Variants in EMILIN2 observed in about 807,000 individuals in gnomAD.
The protein encoded by EMILIN2 is EMILIN-2.
A neutral mutation model predicts 87.1 loss-of-function variants in EMILIN2; 71 were observed. The ratio of observed to expected loss-of-function variants is 0.82; its 90% CI spans 0.67 to 0.99. The LOEUF (loss-of-function observed/expected upper bound fraction) is 0.99, where lower values mean the gene tolerates loss of function less well. Ranked by LOEUF, EMILIN2 falls within the 50% of genes least tolerant of loss-of-function variation. The pLI, the probability that EMILIN2 is intolerant of heterozygous loss-of-function variation, is 0.00. For synonymous variants in EMILIN2, 581 were observed against 563.4 expected (o/e 1.03, Z -0.44); for missense variants, 1,407 against 1,371.8 (o/e 1.03, Z -0.40).
chr18:2,887,357 G>C (rs1382400485), intron 3 of EMILIN2, among the ~76,000 whole-genome samples: 1 of 152,142 alleles, frequency 6.6e-6, no homozygotes, highest in Non-Finnish European at 1.5e-5. Flanking sequence ...TTGAATGTTT[G>C]TCCCCTCCAA....
intron 4 of EMILIN2, among the ~76,000 whole-genome samples, chr18:2,897,114 G>C (rs2076867348): frequency 6.6e-6 from 1 of 152,234 alleles, no homozygotes; most frequent in Non-Finnish European, 1.5e-5. Flanking sequence ...AAGGTCATCA[G>C]CAATGAGGTC....
Position 2,869,694 on chromosome 18 carries a change from A to G in EMILIN2, c.258-15270A>G, listed in dbSNP as rs368777808. Among the ~76,000 whole-genome samples the G allele has an allele frequency of 8.6e-5, 13 of 150,864 alleles. 1 individual carries two copies. Among genetic ancestry groups the G allele is most frequent in the Admixed American group, 5.9e-4 (9 of 15,170 alleles). On this transcript the variant is annotated intron_variant, in intron 2 of 7. Coordinates refer to ENST00000254528, the MANE Select transcript of EMILIN2 (RefSeq NM_032048.3). ...GTGATCCTCCCACCTCAGCCTCCTG[A>G]GTGGCTAGGACTCCAGGTGTGTGCC...
chr18:2,846,941 C>A, upstream of EMILIN2: 1 of 995,272 alleles, frequency 1.0e-6, no homozygotes, highest in Non-Finnish European at 1.2e-6. The surrounding 1 kb of genome is among the most constrained non-coding windows in gnomAD (Gnocchi z 5.3). Flanking sequence ...ATAAAGAGGG[C>A]GGCACCCGGG....
Position 2,907,031 on chromosome 18 carries a change from G to C in EMILIN2, c.2608G>C (p.Gly870Arg). The C allele has an allele frequency of 7.7e-7, 1 of 1,299,228 alleles. No individual in the cohort carries two copies. Among genetic ancestry groups the C allele is most frequent in the Non-Finnish European group, 9.7e-7 (1 of 1,028,882 alleles). The allele number at this position is 1,299,228 out of a possible 1,614,324, so 80.5% of individuals were successfully genotyped here. Residue 870 changes from glycine (G) to arginine (R), a missense_variant, in exon 5 of 8, where the codon GGC (glycine) becomes CGC (arginine). Transcript: ENST00000254528. ...GCGGGGTCTGCCGCGGGGCGTGGAC[G>C]GCCAGACCGGGAGCGGCACCGTCCC... ...SGRGLPRGVDGQTGSGTVPGA... is the reference protein window; with the variant it reads ...SGRGLPRGVDRQTGSGTVPGA...
intron 3 of EMILIN2, among the ~76,000 whole-genome samples, chr18:2,888,480 C>T (rs1209256545): frequency 2.0e-5 from 3 of 151,916 alleles, no homozygotes; most frequent in Admixed American, 1.3e-4. Flanking sequence ...CTTTGGGAGG[C>T]CGAGGCGGGT....
At chr18:2,860,572 C>CT (rs1189040689) in intron 2 of EMILIN2, among the ~76,000 whole-genome samples, 3 of 152,088 alleles carry the variant, frequency 2.0e-5, no homozygotes, top group Non-Finnish European at 4.4e-5. Flanking sequence ...TGAACTCATC[C>CT]TTTTTTATGG....
intron 2 of EMILIN2, among the ~76,000 whole-genome samples, chr18:2,864,503 A>G (rs1176918965): frequency 2.0e-5 from 3 of 152,194 alleles, no homozygotes; most frequent in Non-Finnish European, 4.4e-5. Flanking sequence ...TGGATATGAA[A>G]TTCTGGGTTG....
chr18:2,893,944 G>A (rs988968049), intron 4 of EMILIN2, among the ~76,000 whole-genome samples: 1 of 152,144 alleles, frequency 6.6e-6, no homozygotes, highest in Non-Finnish European at 1.5e-5. Context: ...TGGTCCATGG[G>A]GACTTGTTGA....
chr18:2,886,659 A>G (rs1225255010), intron 3 of EMILIN2, among the ~76,000 whole-genome samples: 2 of 152,208 alleles, frequency 1.3e-5, no homozygotes, highest in Admixed American at 6.5e-5. Flanking sequence ...ACATTGTAGT[A>G]ACTATGTAGA....
chr18:2,849,920 T>G (rs1175489727), intron 2 of EMILIN2, among the ~76,000 whole-genome samples: 1 of 151,992 alleles, frequency 6.6e-6, no homozygotes, highest in Non-Finnish European at 1.5e-5. Context: ...CTTTTTTGTT[T>G]TTTGTTTTTT....
intron 2 of EMILIN2, among the ~76,000 whole-genome samples, chr18:2,858,547 ATATATATATATATATATATATATG>A (rs1432783610): frequency 2.3e-4 from 11 of 48,054 alleles, no homozygotes; most frequent in Non-Finnish European, 3.4e-4. Context: ...ATATATATAT[ATATATATATATATATATATATATG>A]TGTGTGTGTG....
chr18:2,876,277 G>A (rs1391412745), intron 2 of EMILIN2, among the ~76,000 whole-genome samples: 2 of 151,532 alleles, frequency 1.3e-5, no homozygotes, highest in South Asian at 2.1e-4. Context: ...CAACGCGCCC[G>A]GCCAGGGTTT....
At position 2,914,459 on chromosome 18, in the gene EMILIN2, G is replaced by A. The variant is rs767506647; in HGVS notation, c.*1055G>A. ...CAGCAGGAAGCTCAACCTAACGCTG[G>A]CCACACGCTGACAGCTGAGCCCATC... On this transcript the variant is annotated 3_prime_UTR_variant, in exon 8 of 8. Transcript: ENST00000254528. The A allele has an allele frequency of 1.3e-5, 2 of 152,170 alleles. No homozygotes were observed. The highest frequency in any genetic ancestry group is 2.9e-5 in the Non-Finnish European group (2 of 68,046). The allele number at this position is 152,170 out of a possible 1,614,324, so 9.4% of individuals were successfully genotyped here.
chr18:2,883,992 G>A (rs533013862), intron 2 of EMILIN2, among the ~76,000 whole-genome samples: 1 of 152,258 alleles, frequency 6.6e-6, no homozygotes, highest in African/African-American at 2.4e-5. Flanking sequence ...GTCTTGCTCT[G>A]TCACCCAGGC....
Position 2,848,285 on chromosome 18 carries a change from G to A in EMILIN2, c.257+354G>A, listed in dbSNP as rs1031143241. On this transcript the variant is annotated intron_variant, in intron 2 of 7. Coordinates refer to ENST00000254528, the MANE Select transcript of EMILIN2 (RefSeq NM_032048.3). The surrounding 1 kb of genome is among the most constrained non-coding windows in gnomAD (Gnocchi z 4.1). ...TAATTGGATCCATATTGTGTGTTCT[G>A]GGGCACACAGAAGATTCCAAAATGT... Among the ~76,000 whole-genome samples the A allele has an allele frequency of 2.0e-5, 3 of 152,170 alleles. No individual in the cohort carries two copies. The highest frequency in any genetic ancestry group is 4.1e-4 in the South Asian group (2 of 4,828).
chr18:2,868,771 C>CAGAGGG (rs2076703816), intron 2 of EMILIN2, among the ~76,000 whole-genome samples: 3 of 151,912 alleles, frequency 2.0e-5, no homozygotes, highest in Admixed American at 6.7e-5. Flanking sequence ...GGCTCGGCAT[C>CAGAGGG]AGACGGAGAC....
Position 2,892,209 on chromosome 18 carries a change from G to C in EMILIN2, c.2082G>C (p.Gly694=). 6.2e-7 allele frequency: 1 copy of C among 1,608,210 alleles called. No homozygotes were observed. Among genetic ancestry groups the C allele is most frequent in the East Asian group, 2.2e-5 (1 of 44,750 alleles). ...ELDACKECTQ[G]VQREVSMVEG... ...ATGCTTGTAAGGAATGCACGCAGGG[G>C]GTCCAGAGGGAGGTCTCCATGGTGG... Residue 694 remains glycine, a synonymous_variant, in exon 4 of 8, where the codon GGG becomes GGC. Transcript: ENST00000254528.
In EMILIN2 at chr18:2,897,445, A is replaced by C. The variant is rs192886365; in HGVS notation, c.2359+4959A>C. Among the ~76,000 whole-genome samples the C allele has an allele frequency of 9.2e-5, 14 of 152,342 alleles. No homozygotes were observed. In the East Asian group the frequency reaches 2.7e-3, roughly 29 times the overall value. On this transcript the variant is annotated intron_variant, in intron 4 of 7. Transcript: ENST00000254528. ...CTTGGAAGAGAGAGGGCCTGTAAAC[A>C]CAGCAGACACAGGGTGAAGGGCCCT...
At chr18:2,862,548 C>T (rs914268491) in intron 2 of EMILIN2, among the ~76,000 whole-genome samples, 4 of 152,170 alleles carry the variant, frequency 2.6e-5, no homozygotes, top group Non-Finnish European at 5.9e-5. Flanking sequence ...GTTGAACCAG[C>T]CTTGCATCCC....
Sources: gnomAD v4.1 joint callset for allele counts (sites outside exome capture counted in the v4.1 genomes callset) on GRCh38, gnomAD v4.1.1 for gene constraint, Gnocchi (gnomAD v3.1) non-coding constraint, MANE v1.5 for transcripts, NCBI Gene and HGNC (gene_info 2026-07-23, HGNC 2026-07-21) for gene names.